Variants in DAB1 observed in about 807,000 individuals in gnomAD.
DAB1 encodes the protein disabled homolog 1.
In DAB1, 15 loss-of-function variants were observed where a neutral mutation model predicts 64.6. The ratio of observed to expected loss-of-function variants is 0.23; its 90% CI spans 0.16 to 0.36. The LOEUF (loss-of-function observed/expected upper bound fraction) is 0.36, where lower values mean the gene tolerates loss of function less well. Among genes scored for constraint, DAB1 ranks in the 10% least tolerant of loss-of-function variants. The pLI is 1.00. For missense variants in DAB1, 596 were observed against 706.7 expected (o/e 0.84, Z 1.78); for synonymous variants, 235 against 251.9 (o/e 0.93, Z 0.64).
chr1:57,396,690 A>G (rs1239389934), intron 1 of DAB1, among the ~76,000 whole-genome samples: 1 of 152,172 alleles, frequency 6.6e-6, no homozygotes, highest in African/African-American at 2.4e-5. Flanking sequence ...ACGTACTAGT[A>G]CTTCTCTATG....
At chr1:57,629,352 G>A (rs570235192) in intron 7 of DAB1, among the ~76,000 whole-genome samples, 14 of 152,142 alleles carry the variant, frequency 9.2e-5, no homozygotes, top group African/African-American at 3.4e-4. Flanking sequence ...ACTGGCTGCA[G>A]TGTTTGTGTG....
intron 7 of DAB1, among the ~76,000 whole-genome samples, chr1:57,632,521 G>A (rs1319391360): frequency 6.6e-6 from 1 of 152,140 alleles, no homozygotes; most frequent in Non-Finnish European, 1.5e-5. Context: ...GATGCAGATG[G>A]GGTTGGATGC....
At chr1:57,698,838 C>A (rs1646875967) in intron 6 of DAB1, among the ~76,000 whole-genome samples, 1 of 152,220 alleles carries the variant, frequency 6.6e-6, no homozygotes. Flanking sequence ...TTCTAACTTG[C>A]TGTCAATATT....
intron 1 of DAB1, among the ~76,000 whole-genome samples, chr1:57,300,745 C>A (rs1423203149): frequency 6.6e-6 from 1 of 152,146 alleles, no homozygotes; most frequent in Non-Finnish European, 1.5e-5. Context: ...GGAGATCAAA[C>A]TCTACAATGC....
At chr1:58,535,177 A>C (rs186119453) in intron 1 of DAB1, among the ~76,000 whole-genome samples, 43 of 152,356 alleles carry the variant, frequency 2.8e-4, no homozygotes, top group African/African-American at 9.6e-4. Flanking sequence ...ATGCTGATTA[A>C]GACTAGCCAC....
At chr1:58,329,343 G>A (rs939021810) in intron 4 of DAB1, among the ~76,000 whole-genome samples, 3 of 152,066 alleles carry the variant, frequency 2.0e-5, no homozygotes, top group African/African-American at 7.2e-5. Context: ...TTTATTATTT[G>A]AATAGTTCAT....
intron 2 of DAB1, among the ~76,000 whole-genome samples, chr1:57,265,175 G>GACA (rs1177223240): frequency 1.3e-5 from 2 of 152,140 alleles, no homozygotes; most frequent in Non-Finnish European, 2.9e-5. Flanking sequence ...CCAGCCTCCA[G>GACA]ACACGGTGAA....
At chr1:57,780,741 CT>C (rs1264051676) in intron 6 of DAB1, among the ~76,000 whole-genome samples, 2 of 149,474 alleles carry the variant, frequency 1.3e-5, no homozygotes, top group East Asian at 2.0e-4. Context: ...CTATTCTTTT[CT>C]TTCTTTTTTT....
At chr1:57,593,230 G>C (rs1401693008) in intron 7 of DAB1, among the ~76,000 whole-genome samples, 1 of 152,146 alleles carries the variant, frequency 6.6e-6, no homozygotes, top group Admixed American at 6.6e-5. Context: ...GACTTCCCTA[G>C]GTACTTCATA....
rs941085916 is a variant in DAB1 at position 57,298,408 on chromosome 1, A to C, written c.-136-7242T>G. On this transcript the variant is annotated intron_variant, in intron 1 of 14. Transcript: ENST00000371236. The stretch of plus-strand genomic sequence containing the variant: ...CAGATGTACAATCATCATCTACTTT[A>C]CCAAAACTTTCAAGAAAAATAACAC... Among the ~76,000 whole-genome samples the C allele has an allele frequency of 3.9e-5, 6 of 152,292 alleles. No individual in the cohort carries two copies. In the East Asian group the frequency reaches 1.2e-3, roughly 29 times the overall value.
At chr1:57,609,572 T>C (rs773538339) in intron 7 of DAB1, among the ~76,000 whole-genome samples, 1 of 152,372 alleles carries the variant, frequency 6.6e-6, no homozygotes, top group Middle Eastern at 3.4e-3. Context: ...TATGCCTTCA[T>C]GCATTTTCCT....
intron 1 of DAB1, among the ~76,000 whole-genome samples, chr1:57,298,899 C>T (rs1673411387): frequency 6.6e-6 from 1 of 152,158 alleles, no homozygotes; most frequent in African/African-American, 2.4e-5. Flanking sequence ...GTCTATAGAA[C>T]TTTTTTTCCC....
intron 3 of DAB1, among the ~76,000 whole-genome samples, chr1:58,374,212 T>C (rs1446569058): frequency 7.7e-6 from 1 of 130,018 alleles, no homozygotes; most frequent in Non-Finnish European, 1.7e-5. Flanking sequence ...TTTTGGCTTT[T>C]GTTGCCATTG....
At chr1:57,450,422 G>T (rs1686306552) in intron 7 of DAB1, among the ~76,000 whole-genome samples, 1 of 152,136 alleles carries the variant, frequency 6.6e-6, no homozygotes, top group African/African-American at 2.4e-5. Context: ...AAATATTCTG[G>T]AATCAGAATT....
chr1:57,340,440 G>A (rs191298901), intron 1 of DAB1, among the ~76,000 whole-genome samples: 136 of 152,312 alleles, frequency 8.9e-4, no homozygotes, highest in African/African-American at 3.1e-3. Flanking sequence ...CTGCATTGGT[G>A]TGTCATGGCC....
intron 6 of DAB1, among the ~76,000 whole-genome samples, chr1:57,777,975 A>G (rs1649894807): frequency 6.6e-6 from 1 of 152,054 alleles, no homozygotes; most frequent in Admixed American, 6.6e-5. Flanking sequence ...GAAGTTTGCT[A>G]TGACAGGTCT....
chr1:57,253,946 C>T (rs1383757867), intron 2 of DAB1, among the ~76,000 whole-genome samples: 1 of 152,178 alleles, frequency 6.6e-6, no homozygotes, highest in Non-Finnish European at 1.5e-5. Context: ...GAAAGAAAGC[C>T]TTTATCATTT....
chr1:57,046,296 C>T (rs755970705), intron 9 of DAB1, among the ~76,000 whole-genome samples: 18 of 152,184 alleles, frequency 1.2e-4, no homozygotes, highest in Non-Finnish European at 2.2e-4. Context: ...CCCTAGTAAG[C>T]GCTCAGCAAA....
intron 4 of DAB1, among the ~76,000 whole-genome samples, chr1:58,262,337 C>CTGA (rs1661064640): frequency 6.6e-6 from 1 of 152,146 alleles, no homozygotes; most frequent in Non-Finnish European, 1.5e-5. Context: ...AGGATTAAGC[C>CTGA]TGATCCTCCC....
Sources: allele counts gnomAD v4.1 joint callset (sites outside exome capture counted in the v4.1 genomes callset), GRCh38; gene constraint gnomAD v4.1.1; transcripts MANE v1.5; gene names NCBI Gene and HGNC (gene_info 2026-07-23, HGNC 2026-07-21).